ZCWPW2: variants seen among roughly 807,000 people sequenced by gnomAD.
ZCWPW2 encodes zinc finger CW-type and PWWP domain containing 2.
ZCWPW2 carries 45 observed loss-of-function variants against 46.6 expected under a neutral mutation model. That is an observed-to-expected ratio of 0.96 (90% CI 0.76 to 1.24). The LOEUF is 1.24. ZCWPW2 is among the 50% of genes most tolerant of loss of function. ZCWPW2 has a pLI of 0.00. For synonymous variants in ZCWPW2, 152 were observed against 137.1 expected (o/e 1.11, Z -0.76); for missense variants, 429 against 403.9 (o/e 1.06, Z -0.53).
intron 4 of ZCWPW2, among the ~76,000 whole-genome samples, chr3:28,451,396 C>A (rs1342462721): frequency 6.6e-6 from 1 of 152,184 alleles, no homozygotes; most frequent in Non-Finnish European, 1.5e-5. Context: ...AGTCCAAATT[C>A]TTTTCTCTTT....
At chr3:28,483,440 T>C (rs968732293) in intron 5 of ZCWPW2, among the ~76,000 whole-genome samples, 8 of 152,188 alleles carry the variant, frequency 5.3e-5, no homozygotes, top group African/African-American at 1.9e-4. Context: ...GCATTGTTCT[T>C]CTCCTTCCAT....
chr3:28,515,723 G>C, intron 8 of ZCWPW2, 102 bp downstream of exon 8: 3 of 729,070 alleles, frequency 4.1e-6, no homozygotes, highest in Non-Finnish European at 4.4e-6. Flanking sequence ...TCCTGTGTGT[G>C]TGTGTGTGTG....
chr3:28,362,563 T>TA (rs957298885), intron 1 of ZCWPW2, among the ~76,000 whole-genome samples: 30 of 151,898 alleles, frequency 2.0e-4, no homozygotes, highest in African/African-American at 6.8e-4. Flanking sequence ...CACTAAAAGG[T>TA]AAAAAAATGA....
chr3:28,510,900 G>A (rs1700408975), intron 6 of ZCWPW2: 4 of 342,836 alleles, frequency 1.2e-5, no homozygotes, highest in South Asian at 9.2e-5. Context: ...TGTCCACTGA[G>A]GATTAGTAGG....
chr3:28,403,631 C>G (rs1696037497), intron 2 of ZCWPW2, among the ~76,000 whole-genome samples: 1 of 152,128 alleles, frequency 6.6e-6, no homozygotes, highest in African/African-American at 2.4e-5. Flanking sequence ...ATCACATTAA[C>G]TGATTTCAAA....
intron 1 of ZCWPW2, among the ~76,000 whole-genome samples, chr3:28,351,251 A>AAT (rs767833726): frequency 2.7e-4 from 40 of 148,690 alleles, no homozygotes; most frequent in Non-Finnish European, 4.5e-4. Context: ...TTATATAAAA[A>AAT]ATATATATAT....
At chr3:28,427,746 T>C (rs191113442) in intron 3 of ZCWPW2, among the ~76,000 whole-genome samples, 51 of 152,360 alleles carry the variant, frequency 3.3e-4, no homozygotes, top group Admixed American at 3.3e-3. Flanking sequence ...ACATAATAAC[T>C]GCAAAATACT....
intron 4 of ZCWPW2, among the ~76,000 whole-genome samples, chr3:28,456,316 C>T (rs187036507): frequency 5.3e-5 from 8 of 152,210 alleles, no homozygotes; most frequent in Admixed American, 4.6e-4. Context: ...GCAATTTTTG[C>T]ATATTGACTT....
At chr3:28,523,816 T>C (rs979337854) in intron 9 of ZCWPW2, among the ~76,000 whole-genome samples, 3 of 152,140 alleles carry the variant, frequency 2.0e-5, no homozygotes, top group Non-Finnish European at 4.4e-5. Context: ...AATATTAACA[T>C]TGGGTGACAT....
chr3:28,401,353 C>T (rs948665751), intron 2 of ZCWPW2, among the ~76,000 whole-genome samples: 2 of 152,108 alleles, frequency 1.3e-5, no homozygotes, highest in African/African-American at 4.8e-5. Flanking sequence ...ATTCACCAGC[C>T]AACTATCTGC....
intron 5 of ZCWPW2, 133 bp from the exon 6 acceptor site, chr3:28,491,994 A>T: frequency 1.2e-6 from 1 of 837,994 alleles, no homozygotes; most frequent in Non-Finnish European, 1.9e-6. Flanking sequence ...CATATTAATT[A>T]AAGGGACAAC....
chr3:28,435,047 A>G, intron 3 of ZCWPW2, 63 bp from the exon 4 acceptor site: 1 of 1,560,156 alleles, frequency 6.4e-7, no homozygotes, highest in South Asian at 1.2e-5. Flanking sequence ...TGCGATTGAT[A>G]GACGTGTTGA....
chr3:28,381,052 A>ATATATATATATATATTTGGTG lies in ZCWPW2; in HGVS notation c.-133-9431_-133-9430insTTGGTGTATATATATATATAT, dbSNP rs1695084294. On this transcript the variant is annotated intron_variant, in intron 1 of 9. Coordinates refer to ENST00000383768, the MANE Select transcript of ZCWPW2 (RefSeq NM_001040432.4). ...ATATATATATATATATATTTGGTGT[A>ATATATATATATATATTTGGTG]TATATATATATATATATATATATAT... 1.3e-4 allele frequency among the ~76,000 whole-genome samples: 5 copies of ATATATATATATATATTTGGTG among 39,282 alleles called. 1 individual carries two copies. The highest frequency in any genetic ancestry group is 2.4e-4 in the Non-Finnish European group (5 of 21,262). The allele number at this position is 39,282 out of a possible 152,430, so 25.8% of individuals were successfully genotyped here.
chr3:28,490,834 T>C lies in ZCWPW2; in HGVS notation c.611-1293T>C, dbSNP rs1699783586. 2.6e-5 allele frequency among the ~76,000 whole-genome samples: 4 copies of C among 152,146 alleles called. No homozygotes were observed. The South Asian group carries it at 8.3e-4, about 31-fold the overall frequency. On this transcript the variant is annotated intron_variant, in intron 5 of 9. Coordinates refer to ENST00000383768, the MANE Select transcript of ZCWPW2 (RefSeq NM_001040432.4). ...CTAAGAGCATATACATTGTTTTATA[T>C]CTTATACTGTCTAATATAGTAGCCG... is the stretch of plus-strand genomic sequence containing the variant.
chr3:28,394,612 C>T (rs1465036002), intron 2 of ZCWPW2, among the ~76,000 whole-genome samples: 2 of 152,054 alleles, frequency 1.3e-5, no homozygotes, highest in African/African-American at 2.4e-5. Flanking sequence ...CATGCATATA[C>T]AACCAATGGA....
intron 5 of ZCWPW2, among the ~76,000 whole-genome samples, chr3:28,487,772 T>C (rs1699654626): frequency 6.6e-6 from 1 of 152,098 alleles, no homozygotes; most frequent in African/African-American, 2.4e-5. Context: ...GCATTCTATG[T>C]TCCTATGATA....
intron 1 of ZCWPW2, among the ~76,000 whole-genome samples, chr3:28,369,243 A>G (rs1421875820): frequency 6.6e-6 from 1 of 152,070 alleles, no homozygotes; most frequent in African/African-American, 2.4e-5. Context: ...CTTGATTTTT[A>G]GAGTTTCCGG....
At chr3:28,460,024 A>G (rs774501754) in intron 4 of ZCWPW2, among the ~76,000 whole-genome samples, 4 of 151,764 alleles carry the variant, frequency 2.6e-5, no homozygotes, top group Non-Finnish European at 5.9e-5. Context: ...TTCATTTCCT[A>G]CCTCCCCAGC....
In ZCWPW2 at chr3:28,369,416, G is replaced by A. The variant is rs186473356; in HGVS notation, c.-134+20213G>A. ...GCAGGTCTGTTGGAGTTTGCTGGAGGTCCACTCCAGACCCTTTTTACCTGG... is the reference window on the plus strand; with the variant it reads ...GCAGGTCTGTTGGAGTTTGCTGGAGATCCACTCCAGACCCTTTTTACCTGG... On this transcript the variant is annotated intron_variant, in intron 1 of 9. Coordinates refer to ENST00000383768, the MANE Select transcript of ZCWPW2 (RefSeq NM_001040432.4). Among the ~76,000 whole-genome samples the A allele has an allele frequency of 1.0e-3, 157 of 152,294 alleles. 2 individuals carry two copies. Among genetic ancestry groups the A allele is most frequent in the Middle Eastern group, 6.8e-3 (2 of 294 alleles).
Sources: allele counts gnomAD v4.1 joint callset (sites outside exome capture counted in the v4.1 genomes callset), GRCh38; gene constraint gnomAD v4.1.1; transcripts MANE v1.5; gene names NCBI Gene and HGNC (gene_info 2026-07-23, HGNC 2026-07-21).